Variants in CACNA1D observed in about 807,000 individuals in gnomAD.
CACNA1D encodes calcium voltage-gated channel subunit alpha1 D.
A neutral mutation model predicts 257.1 loss-of-function variants in CACNA1D; 55 were observed. The ratio of observed to expected loss-of-function variants is 0.21; its 90% confidence interval spans 0.17 to 0.27. The LOEUF is 0.27. CACNA1D is among the 10% of genes least tolerant of loss of function. CACNA1D has a pLI of 1.00. For synonymous variants in CACNA1D, 980 were observed against 1,014.9 expected, an observed-to-expected ratio of 0.97 and a Z score of 0.65; for missense variants, 1,876 against 2,784.0, an observed-to-expected ratio of 0.67 and a Z score of 7.34.
chr3:53,520,672 C>T (rs1197006543), intron 3 of CACNA1D, among the ~76,000 whole-genome samples: 1 of 151,854 alleles, frequency 6.6e-6, no homozygotes, highest in East Asian at 1.9e-4. Flanking sequence ...AGGTTCAAGC[C>T]GGAGAATCGC....
At chr3:53,612,735 ACT>A (rs1197402913) in intron 3 of CACNA1D, among the ~76,000 whole-genome samples, 2 of 151,120 alleles carry the variant, frequency 1.3e-5, no homozygotes, top group Admixed American at 1.3e-4. Flanking sequence ...TGGCGCCCCC[ACT>A]CTCTGCTTCA....
chr3:53,670,810 G>A (rs2094315436), intron 7 of CACNA1D, among the ~76,000 whole-genome samples: 2 of 152,190 alleles, frequency 1.3e-5, no homozygotes. Flanking sequence ...AGACCATACA[G>A]GCAAAATCCC....
intron 47 of CACNA1D, 123 bp from the exon 48 acceptor site, chr3:53,810,990 T>G (rs1266264297): frequency 2.1e-5 from 16 of 770,406 alleles, no homozygotes; most frequent in Non-Finnish European, 3.7e-5. Context: ...AAAACATGAT[T>G]GAGCTGCATC....
intron 17 of CACNA1D, among the ~76,000 whole-genome samples, chr3:53,731,675 C>T (rs974049472): frequency 6.6e-6 from 1 of 152,236 alleles, no homozygotes; most frequent in Non-Finnish European, 1.5e-5. Context: ...AGACAGGTCC[C>T]TGCCTTCATG....
intron 5 of CACNA1D, among the ~76,000 whole-genome samples, chr3:53,662,429 T>G (rs1412789847): frequency 6.6e-6 from 1 of 152,168 alleles, no homozygotes. Flanking sequence ...ACTGTTTAAC[T>G]TCTTACCTTC....
At chr3:53,781,916 T>C (rs773119703) in intron 39 of CACNA1D, 1 of 499,836 alleles carries the variant, frequency 2.0e-6, no homozygotes, top group Non-Finnish European at 3.6e-6. Context: ...GGATTTTCTT[T>C]TTGGTGGAGG....
chr3:53,543,296 A>G (rs1257933090), intron 3 of CACNA1D, among the ~76,000 whole-genome samples: 2 of 152,174 alleles, frequency 1.3e-5, no homozygotes, highest in African/African-American at 4.8e-5. Flanking sequence ...TACGATTTTA[A>G]AGAGCACTGT....
chr3:53,792,674 T>C (rs2095489803), intron 40 of CACNA1D, among the ~76,000 whole-genome samples: 1 of 152,082 alleles, frequency 6.6e-6, no homozygotes, highest in Non-Finnish European at 1.5e-5. Context: ...GTGGGAGCAA[T>C]GTCACCAGTG....
chr3:53,610,111 T>C (rs1159795298), intron 3 of CACNA1D, among the ~76,000 whole-genome samples: 1 of 152,242 alleles, frequency 6.6e-6, no homozygotes, highest in Non-Finnish European at 1.5e-5. Context: ...TTGTATTCTT[T>C]TAAACATTTT....
rs74903055 is a variant in CACNA1D, at chr3:53,515,771, G to A, written c.483+14051G>A. Among the ~76,000 whole-genome samples, 1,411 of 152,314 alleles carry A rather than the reference G, an allele frequency of 9.3e-3. 84 individuals are homozygous for A. Among genetic ancestry groups the A allele is most frequent in the Admixed American group, 0.075 (1,143 of 15,288 alleles). ...CCTCTGTTTTCTCACCTGTAAGATG[G>A]GGATCATAGCATTATTAATAGTCAT... On this transcript the variant is annotated intron_variant, in intron 3 of 47. Transcript: ENST00000350061.
intron 3 of CACNA1D, among the ~76,000 whole-genome samples, chr3:53,641,238 A>G (rs2093946805): frequency 6.6e-6 from 1 of 152,178 alleles, no homozygotes; most frequent in Non-Finnish European, 1.5e-5. Flanking sequence ...CGGGGATGCC[A>G]GATGGAGGAA....
intron 8 of CACNA1D, chr3:53,679,690 C>T (rs973482555): frequency 6.6e-6 from 1 of 152,230 alleles, no homozygotes; most frequent in Non-Finnish European, 1.5e-5. Context: ...ATGCTAAAGA[C>T]ACCCTTAATG....
chr3:53,653,617 A>G (rs2094119739), intron 4 of CACNA1D, among the ~76,000 whole-genome samples: 1 of 152,192 alleles, frequency 6.6e-6, no homozygotes, highest in South Asian at 2.1e-4. Flanking sequence ...AGAAGGAAAA[A>G]ATATCAGGGA....
At chr3:53,585,865 A>C (rs1177656558) in intron 3 of CACNA1D, among the ~76,000 whole-genome samples, 2 of 152,116 alleles carry the variant, frequency 1.3e-5, no homozygotes, top group African/African-American at 4.8e-5. Context: ...ACAGGGGAGG[A>C]AACTGAAGCT....
At chr3:53,791,476 A>G (rs1235968143) in intron 40 of CACNA1D, 1 of 156,100 alleles carries the variant, frequency 6.4e-6, no homozygotes, top group East Asian at 1.9e-4. Context: ...TCCATTCCAA[A>G]GTCCTGCATC....
At chr3:53,514,291 A>G (rs2091247658) in intron 3 of CACNA1D, among the ~76,000 whole-genome samples, 1 of 151,512 alleles carries the variant, frequency 6.6e-6, no homozygotes, top group African/African-American at 2.4e-5. Flanking sequence ...TCACAGGCTG[A>G]TGATGCCTAA....
chr3:53,567,207 C>T (rs1426973868), intron 3 of CACNA1D, among the ~76,000 whole-genome samples: 1 of 152,198 alleles, frequency 6.6e-6, no homozygotes, highest in Non-Finnish European at 1.5e-5. Flanking sequence ...CACACACTCA[C>T]TAATAATTCA....
At chr3:53,514,423 A>G (rs959379424) in intron 3 of CACNA1D, among the ~76,000 whole-genome samples, 5 of 152,022 alleles carry the variant, frequency 3.3e-5, no homozygotes, top group Admixed American at 1.3e-4. Context: ...CTTCACATTC[A>G]TGCTTTTGAT....
intron 43 of CACNA1D, 74 bp from the exon 44 acceptor site, chr3:53,803,349 C>T: frequency 6.3e-7 from 1 of 1,578,422 alleles, no homozygotes; most frequent in Non-Finnish European, 8.7e-7. Flanking sequence ...TTGCCGGCCA[C>T]AGGCAGAGGT....
Sources: allele counts gnomAD v4.1 joint callset (sites outside exome capture counted in the v4.1 genomes callset), GRCh38; gene constraint gnomAD v4.1.1; transcripts MANE v1.5; gene names NCBI Gene and HGNC (gene_info 2026-07-23, HGNC 2026-07-21).